Variants in DECR1 observed in about 807,000 individuals in gnomAD.
DECR1 encodes the protein 2,4-dienoyl-CoA reductase [(3E)-enoyl-CoA-producing], mitochondrial.
In DECR1, 44 loss-of-function variants were observed where a neutral mutation model predicts 38.8. The observed-to-expected ratio is 1.13, with a 90% confidence interval of 0.89 to 1.46. The LOEUF (loss-of-function observed/expected upper bound fraction) is 1.46, where lower values mean the gene tolerates loss of function less well. Ranked by LOEUF, DECR1 falls within the 40% of genes most tolerant of loss-of-function variation. The pLI is 0.00. For synonymous variants in DECR1, 148 were observed against 135.2 expected (o/e 1.09, Z -0.66); for missense variants, 428 against 405.5 (o/e 1.06, Z -0.48).
At chr8:90,022,037 C>A (rs1813177403) in intron 5 of DECR1, among the ~76,000 whole-genome samples, 1 of 152,110 alleles carries the variant, frequency 6.6e-6, no homozygotes, top group African/African-American at 2.4e-5. Flanking sequence ...TATACTCATG[C>A]TCAAAGCACA....
At chr8:90,015,530 G>T in intron 1 of DECR1, 15 of 368,886 alleles carry the variant, frequency 4.1e-5, no homozygotes, top group East Asian at 8.1e-5. Flanking sequence ...ATTTTCTTGT[G>T]CAATTTCCAG....
rs148764207 is a variant in DECR1 at position 90,015,708 on chromosome 8, A to G, written c.70-1416A>G. ...TAACTGGAGTGTTAATCTTGCCACCATGACCTAATGGAATATCACATAACC... is the reference window on the plus strand; with the variant it reads ...TAACTGGAGTGTTAATCTTGCCACCGTGACCTAATGGAATATCACATAACC... On this transcript the variant is annotated intron_variant, in intron 1 of 9. Coordinates refer to ENST00000220764, the MANE Select transcript of DECR1 (RefSeq NM_001359.2). 429 of 455,754 alleles carry G rather than the reference A, an allele frequency of 9.4e-4. 3 individuals are homozygous for G. Among genetic ancestry groups the G allele is most frequent in the African/African-American group, 6.4e-3 (319 of 50,184 alleles). 28.2% of individuals were successfully genotyped at this position (455,754 alleles called of 1,614,324 possible).
intron 1 of DECR1, among the ~76,000 whole-genome samples, chr8:90,016,300 T>C (rs1813004305): frequency 6.6e-6 from 1 of 152,214 alleles, no homozygotes; most frequent in Admixed American, 6.5e-5. Flanking sequence ...TTTGTCCAGA[T>C]TATTCTTGTT....
intron 5 of DECR1, among the ~76,000 whole-genome samples, chr8:90,031,962 C>G (rs1813505749): frequency 6.6e-6 from 1 of 152,166 alleles, no homozygotes; most frequent in Admixed American, 6.6e-5. Context: ...ATACACTATA[C>G]TAGTCCCCCA....
intron 5 of DECR1, among the ~76,000 whole-genome samples, chr8:90,024,725 T>C (rs1813281878): frequency 1.3e-5 from 2 of 152,200 alleles, no homozygotes; most frequent in South Asian, 4.1e-4. Context: ...TTAGTTTAAT[T>C]AGATCCCGTT....
chr8:90,038,343 C>G (rs1317094793), intron 6 of DECR1, among the ~76,000 whole-genome samples: 2 of 152,042 alleles, frequency 1.3e-5, no homozygotes, highest in East Asian at 1.9e-4. Flanking sequence ...CTCTCTGTGC[C>G]TTAAAACTTT....
chr8:90,042,235 A>C (rs780050011), intron 6 of DECR1, among the ~76,000 whole-genome samples: 5 of 152,166 alleles, frequency 3.3e-5, no homozygotes, highest in Non-Finnish European at 7.4e-5. Context: ...GTGATATTAC[A>C]GACATTGTAA....
chr8:90,027,608 G>T (rs1246441351), intron 5 of DECR1, among the ~76,000 whole-genome samples: 4 of 151,980 alleles, frequency 2.6e-5, no homozygotes, highest in Non-Finnish European at 5.9e-5. Context: ...GAGCCTATGT[G>T]TGTCTCTGCA....
intron 1 of DECR1, among the ~76,000 whole-genome samples, chr8:90,013,664 C>T (rs1586139039): frequency 1.3e-5 from 2 of 152,136 alleles, no homozygotes; most frequent in East Asian, 3.9e-4. Context: ...GTGAATTCTT[C>T]CATTATCTAA....
At chr8:90,019,281 C>A in intron 4 of DECR1, 109 bp downstream of exon 4, 1 of 889,032 alleles carries the variant, frequency 1.1e-6, no homozygotes, top group East Asian at 2.7e-5. Flanking sequence ...ACAGGCAAGC[C>A]CGAATCTGGG....
At chr8:90,028,882 T>G (rs186722102) in intron 5 of DECR1, among the ~76,000 whole-genome samples, 2 of 152,252 alleles carry the variant, frequency 1.3e-5, no homozygotes, top group East Asian at 3.9e-4. Flanking sequence ...AAGTAAGTGC[T>G]CTTTTATTCC....
At chr8:90,031,555 A>G (rs566375764) in intron 5 of DECR1, among the ~76,000 whole-genome samples, 52 of 152,252 alleles carry the variant, frequency 3.4e-4, no homozygotes, top group Admixed American at 2.8e-3. Flanking sequence ...ATGTAGGGTT[A>G]TTCTAGTTTT....
rs1203470088 is a variant in DECR1, at chr8:90,053,004, T to TTG, written c.*1111_*1112dup. Among the ~76,000 whole-genome samples, 1 of 152,200 alleles carries TTG rather than the reference T, an allele frequency of 6.6e-6. No homozygotes were observed. The highest frequency in any genetic ancestry group is 1.5e-5 in the Non-Finnish European group (1 of 68,036). On this transcript the variant is annotated 3_prime_UTR_variant, in exon 10 of 10. Transcript: ENST00000220764. ...CATAAATTACATTTATTACATTTAA[T>TTG]TGTGTATATATAGGGGATGTTATAG...
At chr8:90,030,698 G>A (rs984132449) in intron 5 of DECR1, among the ~76,000 whole-genome samples, 2 of 152,218 alleles carry the variant, frequency 1.3e-5, no homozygotes. Context: ...CGTCAGTAGT[G>A]TGAGTGCAAG....
At chr8:90,005,170 A>C in intron 1 of DECR1, 1 of 362,280 alleles carries the variant, frequency 2.8e-6, no homozygotes. Context: ...GGTATTGTGG[A>C]GTTGGTGAAG....
intron 4 of DECR1, 97 bp downstream of exon 4, chr8:90,019,269 G>C: frequency 9.8e-7 from 1 of 1,019,966 alleles, no homozygotes; most frequent in South Asian, 1.4e-5. Flanking sequence ...TACTGATGTA[G>C]GACAGGCAAG....
chr8:90,050,870 TG>T (rs1814064232), intron 8 of DECR1, among the ~76,000 whole-genome samples: 2 of 152,126 alleles, frequency 1.3e-5, no homozygotes, highest in East Asian at 3.9e-4. Context: ...TCATGTCCTT[TG>T]TAGGGACATG....
chr8:90,003,072 G>A (rs988658046), intron 1 of DECR1: 5 of 152,164 alleles, frequency 3.3e-5, no homozygotes, highest in African/African-American at 1.2e-4. Flanking sequence ...AGAAAAATAT[G>A]GAAGTTTTGA....
At chr8:90,004,272 A>G (rs1214822333) in intron 1 of DECR1, among the ~76,000 whole-genome samples, 6 of 151,476 alleles carry the variant, frequency 4.0e-5, no homozygotes, top group African/African-American at 1.5e-4. Flanking sequence ...ACTTGAACCT[A>G]GGAGGCAGAG....
Sources: allele counts gnomAD v4.1 joint callset (sites outside exome capture counted in the v4.1 genomes callset), GRCh38; gene constraint gnomAD v4.1.1; transcripts MANE v1.5; gene names NCBI Gene and HGNC (gene_info 2026-07-23, HGNC 2026-07-21).